The following SLC7A14 variants were observed in gnomAD, a reference collection of about 807,000 sequenced individuals.
SLC7A14 encodes the protein solute carrier family 7 member 14, also known as gamma-aminobutyric acid transporter SLC7A14.
Under a neutral mutation model 60.2 loss-of-function variants are expected in SLC7A14, and 37 were observed. The observed-to-expected ratio is 0.61, with a 90% CI of 0.47 to 0.81. The LOEUF (loss-of-function observed/expected upper bound fraction) is 0.81. Among genes scored for constraint, SLC7A14 ranks in the 30% least tolerant of loss-of-function variants. SLC7A14 has a pLI of 0.00. For synonymous variants in SLC7A14, 399 were observed against 395.8 expected (o/e 1.01, Z -0.10); for missense variants, 886 against 982.7 (o/e 0.90, Z 1.32).
At chr3:170,561,649 A>C (rs1560281090) in intron 1 of SLC7A14, among the ~76,000 whole-genome samples, 2 of 152,238 alleles carry the variant, frequency 1.3e-5, no homozygotes, top group South Asian at 4.1e-4. Flanking sequence ...TCCATGGGCT[A>C]TTGTTGATTA....
intron 2 of SLC7A14, among the ~76,000 whole-genome samples, chr3:170,512,653 C>CCTTTTT (rs1483240298): frequency 1.3e-5 from 1 of 74,730 alleles, no homozygotes; most frequent in Non-Finnish European, 3.0e-5. Flanking sequence ...GTACAATTTG[C>CCTTTTT]ATTTTTTTTT....
intron 1 of SLC7A14, among the ~76,000 whole-genome samples, chr3:170,558,367 G>A (rs1714545090): frequency 6.6e-6 from 1 of 152,174 alleles, no homozygotes. Flanking sequence ...CTGGGTGACA[G>A]AGTGAGACTT....
At position 170,464,063 on chromosome 3, in the gene SLC7A14, T is replaced by A. The variant is rs1199867485; in HGVS notation, c.*2992A>T. On this transcript the variant is annotated 3_prime_UTR_variant, in exon 8 of 8. Transcript: ENST00000231706. Reference sequence around the variant, plus strand: ...ATGTCAGGGTTCTGCATTTATGTACTAAATATACGTCTAGTTTTGTCTTAT... The same window carrying A: ...ATGTCAGGGTTCTGCATTTATGTACAAAATATACGTCTAGTTTTGTCTTAT... 6.6e-6 allele frequency: 1 copy of A among 152,250 alleles called. No homozygotes were observed. 9.4% of individuals were successfully genotyped at this position (152,250 alleles called of 1,614,324 possible). A position where few individuals can be genotyped will look rare whatever the true frequency, so the allele number is the denominator to read the frequency against.
intron 1 of SLC7A14, among the ~76,000 whole-genome samples, chr3:170,572,661 A>G (rs1422683487): frequency 6.6e-6 from 1 of 152,234 alleles, no homozygotes; most frequent in Non-Finnish European, 1.5e-5. Context: ...GCTATTCACT[A>G]AGAGTATTGA....
intron 1 of SLC7A14, among the ~76,000 whole-genome samples, chr3:170,565,989 C>G (rs1002068138): frequency 5.9e-5 from 9 of 152,102 alleles, no homozygotes; most frequent in African/African-American, 2.2e-4. Context: ...TGCAATGCAT[C>G]CTTAAATTAA....
intron 1 of SLC7A14, among the ~76,000 whole-genome samples, chr3:170,574,588 A>G (rs952918855): frequency 1.3e-4 from 20 of 152,194 alleles, no homozygotes; most frequent in African/African-American, 4.6e-4. Context: ...GATCATAAAT[A>G]TCCTAGACCA....
chr3:170,580,753 T>G (rs774259673), intron 1 of SLC7A14, among the ~76,000 whole-genome samples: 9 of 152,186 alleles, frequency 5.9e-5, no homozygotes, highest in Admixed American at 2.0e-4. Flanking sequence ...AATGAATGAA[T>G]GAATAAATAA....
chr3:170,533,650 A>AGTGTGTGTGTGTGTGT (rs55850380), intron 1 of SLC7A14, among the ~76,000 whole-genome samples: 194 of 149,064 alleles, frequency 1.3e-3, no homozygotes, highest in African/African-American at 4.5e-3. Context: ...CATCTGGCCC[A>AGTGTGTGTGTGTGTGT]GTGTGTGTGT....
rs1025618881 is a variant in SLC7A14 at position 170,470,308 on chromosome 3, A to G, written c.1994-2931T>C. Among the ~76,000 whole-genome samples, 57 of 143,698 alleles carry G rather than the reference A, an allele frequency of 4.0e-4. 1 individual carries two copies. The highest frequency in any genetic ancestry group is 3.5e-4 in the Non-Finnish European group (23 of 65,696). 94.3% of individuals were successfully genotyped at this position (143,698 alleles called of 152,430 possible). ...GGGAGTGGCCAGGCCTGGAAGGAAC[A>G]TGTGTGTGTGTGTGTGTGTGTGTGT... On this transcript the variant is annotated intron_variant, in intron 7 of 7. Coordinates refer to ENST00000231706, the MANE Select transcript of SLC7A14 (RefSeq NM_020949.3).
intron 4 of SLC7A14, chr3:170,495,508 G>A (rs1337546098): frequency 2.2e-5 from 17 of 770,430 alleles, no homozygotes; most frequent in Non-Finnish European, 3.4e-5. Flanking sequence ...TTTAGCAGCC[G>A]CTTTTACACG....
intron 1 of SLC7A14, among the ~76,000 whole-genome samples, chr3:170,554,168 ATGT>A (rs1209488497): frequency 6.6e-6 from 1 of 152,182 alleles, no homozygotes; most frequent in African/African-American, 2.4e-5. Context: ...AAAACAATAA[ATGT>A]TGAGACATTT....
chr3:170,514,528 C>T (rs1026568750), intron 2 of SLC7A14, among the ~76,000 whole-genome samples: 4 of 152,166 alleles, frequency 2.6e-5, no homozygotes, highest in South Asian at 2.1e-4. Flanking sequence ...AATTATTATA[C>T]ATATTGATTT....
At chr3:170,536,344 A>G (rs534332264) in intron 1 of SLC7A14, among the ~76,000 whole-genome samples, 19 of 152,370 alleles carry the variant, frequency 1.2e-4, no homozygotes, top group African/African-American at 4.6e-4. Context: ...TTGCCAAAGA[A>G]GAAGAGTGAA....
chr3:170,557,671 T>C (rs1343671213), intron 1 of SLC7A14, among the ~76,000 whole-genome samples: 1 of 152,198 alleles, frequency 6.6e-6, no homozygotes, highest in African/African-American at 2.4e-5. Flanking sequence ...ACTTGAGCTT[T>C]CCACATCTCA....
At chr3:170,502,658 G>A (rs576965740) in intron 2 of SLC7A14, among the ~76,000 whole-genome samples, 1 of 152,316 alleles carries the variant, frequency 6.6e-6, no homozygotes, top group East Asian at 1.9e-4. Context: ...ACAAACCAGG[G>A]AACAATAGTT....
intron 1 of SLC7A14, among the ~76,000 whole-genome samples, chr3:170,569,252 G>A (rs1304105356): frequency 6.6e-6 from 1 of 151,840 alleles, no homozygotes; most frequent in Non-Finnish European, 1.5e-5. Context: ...GGCCTTTTCT[G>A]CATCTATTGA....
intron 1 of SLC7A14, among the ~76,000 whole-genome samples, chr3:170,553,515 C>T (rs1714406491): frequency 6.6e-6 from 1 of 152,204 alleles, no homozygotes; most frequent in African/African-American, 2.4e-5. Context: ...AATAGAAAGC[C>T]TGCCAAATAG....
At chr3:170,572,632 G>A (rs1038895758) in intron 1 of SLC7A14, among the ~76,000 whole-genome samples, 9 of 152,158 alleles carry the variant, frequency 5.9e-5, no homozygotes, top group Admixed American at 3.3e-4. Flanking sequence ...AGACTTGGGG[G>A]CAGAAAGGAA....
At chr3:170,574,778 G>A (rs1201320870) in intron 1 of SLC7A14, among the ~76,000 whole-genome samples, 1 of 152,194 alleles carries the variant, frequency 6.6e-6, no homozygotes, top group Admixed American at 6.5e-5. Flanking sequence ...GAGCCTGAGA[G>A]TGGGAAATGC....
Sources: allele counts gnomAD v4.1 joint callset (sites outside exome capture counted in the v4.1 genomes callset), GRCh38; gene constraint gnomAD v4.1.1; transcripts MANE v1.5; gene names NCBI Gene and HGNC (gene_info 2026-07-23, HGNC 2026-07-21).